BLOC1S5: variants seen among roughly 807,000 people sequenced by gnomAD.
BLOC1S5 encodes the protein biogenesis of lysosome-related organelles complex 1 subunit 5.
BLOC1S5 carries 27 observed loss-of-function variants against 24.3 expected under a neutral mutation model. The observed-to-expected ratio is 1.11, with a 90% CI of 0.82 to 1.53. The LOEUF is 1.53. BLOC1S5 is among the 40% of genes most tolerant of loss of function. BLOC1S5 has a pLI of 0.00. For missense variants in BLOC1S5, 239 were observed against 229.4 expected, an observed-to-expected ratio of 1.04 and a Z score of -0.27; for synonymous variants, 84 against 74.5, an observed-to-expected ratio of 1.13 and a Z score of -0.66.
chr6:8,024,909 C>T (rs1317191548), intron 4 of BLOC1S5, among the ~76,000 whole-genome samples: 1 of 152,218 alleles, frequency 6.6e-6, no homozygotes, highest in Non-Finnish European at 1.5e-5. Flanking sequence ...TTATAGCTAG[C>T]TAGTACAGGG....
At chr6:8,037,777 C>A (rs185789520) in intron 3 of BLOC1S5, among the ~76,000 whole-genome samples, 1 of 152,196 alleles carries the variant, frequency 6.6e-6, no homozygotes, top group African/African-American at 2.4e-5. Flanking sequence ...CATAAAAACA[C>A]ACAGGCCATG....
At chr6:8,040,856 CAAA>C (rs574721309) in intron 3 of BLOC1S5, among the ~76,000 whole-genome samples, 1 of 130,326 alleles carries the variant, frequency 7.7e-6, no homozygotes. Context: ...ACTGTGCCTC[CAAA>C]AAAAAAAAAA....
At chr6:8,025,139 G>A (rs1208847213) in intron 4 of BLOC1S5, among the ~76,000 whole-genome samples, 1 of 152,204 alleles carries the variant, frequency 6.6e-6, no homozygotes, top group Non-Finnish European at 1.5e-5. Context: ...AAAGTTCTTA[G>A]TAATGATCAT....
rs1294125597 is a variant in BLOC1S5 at position 8,041,141 on chromosome 6, C to G, written c.323G>C (p.Arg108Thr). The stretch of plus-strand genomic sequence containing the variant: ...TTAAAAAAGAATTGCTGACTCACAT[C>G]TCTGGAGAACCTGGCTGAGGCTGTC... ...MRDSLSQVLQ[R>T]LQAANDSVCR... is the part of the protein sequence containing the mutation. The change falls in exon 3 of 5, where the codon AGA (arginine) becomes ACA (threonine). Residue 108 changes from arginine to threonine, a missense_variant and splice_region_variant. By Grantham distance (71) the Arg-to-Thr change is moderately conservative (BLOSUM62 -1). Transcript: ENST00000397457. The G allele has an allele frequency of 2.5e-6, 4 of 1,580,760 alleles. No homozygotes were observed. The highest frequency in any genetic ancestry group is 2.7e-5 in the African/African-American group (2 of 73,108).
At chr6:8,021,893 T>C (rs887066008) in intron 4 of BLOC1S5, among the ~76,000 whole-genome samples, 2 of 152,130 alleles carry the variant, frequency 1.3e-5, no homozygotes, top group African/African-American at 2.4e-5. Flanking sequence ...ATACCAAAAG[T>C]AATGAACTAT....
chr6:8,040,745 A>C (rs1225405713), intron 3 of BLOC1S5, among the ~76,000 whole-genome samples: 1 of 151,970 alleles, frequency 6.6e-6, no homozygotes, highest in East Asian at 1.9e-4. Flanking sequence ...AGTCTCAGCT[A>C]CTCAGGAGGC....
At chr6:8,062,945 A>G (rs536032050) in intron 1 of BLOC1S5, among the ~76,000 whole-genome samples, 27 of 152,280 alleles carry the variant, frequency 1.8e-4, no homozygotes, top group Admixed American at 1.7e-3. Context: ...GAAAAAACGC[A>G]AAACACCTTA....
intron 3 of BLOC1S5, among the ~76,000 whole-genome samples, chr6:8,039,005 T>TA (rs1713556392): frequency 6.6e-6 from 1 of 152,184 alleles, no homozygotes. Flanking sequence ...CATCTGCACT[T>TA]ACGTGTTTAT....
chr6:8,029,226 C>A (rs1423285973), intron 3 of BLOC1S5, among the ~76,000 whole-genome samples: 1 of 152,196 alleles, frequency 6.6e-6, no homozygotes, highest in African/African-American at 2.4e-5. Flanking sequence ...ATCAGGTATA[C>A]AGTGCCGGCA....
intron 2 of BLOC1S5, among the ~76,000 whole-genome samples, chr6:8,041,655 C>CTTTTTTCTTTTT (rs1763692526): frequency 1.8e-5 from 2 of 111,870 alleles, no homozygotes; most frequent in African/African-American, 6.4e-5. Flanking sequence ...TTCTTTCTTT[C>CTTTTTTCTTTTT]TTTTTTTTTG....
At chr6:8,031,881 T>C (rs1763311241) in intron 3 of BLOC1S5, among the ~76,000 whole-genome samples, 1 of 152,186 alleles carries the variant, frequency 6.6e-6, no homozygotes, top group East Asian at 1.9e-4. Flanking sequence ...GGACACCCTA[T>C]TCAACCAATG....
At chr6:8,016,416 C>G (rs1316385363) in intron 4 of BLOC1S5, among the ~76,000 whole-genome samples, 2 of 151,976 alleles carry the variant, frequency 1.3e-5, no homozygotes, top group African/African-American at 4.8e-5. Context: ...TCTATTTCTC[C>G]TCAAATCCCA....
chr6:8,051,567 C>A (rs1173886126), intron 2 of BLOC1S5, among the ~76,000 whole-genome samples: 1 of 152,246 alleles, frequency 6.6e-6, no homozygotes, highest in Non-Finnish European at 1.5e-5. Context: ...ATGAAACTGC[C>A]TGCTATTAGC....
At chr6:8,044,268 A>G (rs1763794046) in intron 2 of BLOC1S5, among the ~76,000 whole-genome samples, 1 of 129,834 alleles carries the variant, frequency 7.7e-6, no homozygotes, top group South Asian at 2.6e-4. Flanking sequence ...TGGGCGACAG[A>G]GCAAGACTCT....
At chr6:8,058,718 T>C (rs1183247190) in intron 2 of BLOC1S5, among the ~76,000 whole-genome samples, 1 of 152,122 alleles carries the variant, frequency 6.6e-6, no homozygotes, top group Non-Finnish European at 1.5e-5. Flanking sequence ...TGCCACCTTG[T>C]AAGCATATGG....
At chr6:8,052,256 C>T (rs62395792) in intron 2 of BLOC1S5, among the ~76,000 whole-genome samples, 31,005 of 151,982 alleles carry the variant, frequency 0.2, 3,441 homozygotes, top group African/African-American at 0.28. Context: ...CGTGAGCCAC[C>T]GCGCCCGAGG....
chr6:8,028,046 T>C (rs778248703), intron 3 of BLOC1S5, among the ~76,000 whole-genome samples: 9 of 152,290 alleles, frequency 5.9e-5, no homozygotes, highest in Non-Finnish European at 1.2e-4. Flanking sequence ...TAATCAGGTG[T>C]GTGTGTATCC....
intron 4 of BLOC1S5, among the ~76,000 whole-genome samples, chr6:8,021,479 G>C (rs941943274): frequency 6.6e-6 from 1 of 152,104 alleles, no homozygotes; most frequent in Non-Finnish European, 1.5e-5. Context: ...GGCACCTGTT[G>C]TCCCAGCTAC....
chr6:8,025,504 T>G (rs1441179854), intron 4 of BLOC1S5, among the ~76,000 whole-genome samples: 1 of 152,238 alleles, frequency 6.6e-6, no homozygotes, highest in African/African-American at 2.4e-5. Flanking sequence ...CCCATCTGTC[T>G]TAAATGTCAA....
Sources: allele counts gnomAD v4.1 joint callset (sites outside exome capture counted in the v4.1 genomes callset), GRCh38; gene constraint gnomAD v4.1.1; transcripts MANE v1.5; gene names NCBI Gene and HGNC (gene_info 2026-07-23, HGNC 2026-07-21).